PTPRG: variants seen among roughly 807,000 people sequenced by gnomAD.
PTPRG encodes protein tyrosine phosphatase receptor type G.
PTPRG carries 102 observed loss-of-function variants against 165.3 expected under a neutral mutation model. That is an observed-to-expected ratio of 0.62 (90% CI 0.53 to 0.73). The LOEUF is 0.73. PTPRG is among the 30% of genes least tolerant of loss of function. The pLI, the probability that PTPRG is intolerant of heterozygous loss-of-function variation, is 0.00. For missense variants in PTPRG, 1,866 were observed against 1,861.4 expected (o/e 1.00, Z -0.05); for synonymous variants, 675 against 669.5 (o/e 1.01, Z -0.13).
intron 2 of PTPRG, among the ~76,000 whole-genome samples, chr3:61,952,035 T>C (rs369177747): frequency 8.1e-5 from 12 of 147,666 alleles, no homozygotes; most frequent in Admixed American, 2.8e-4. Context: ...GGAGAATCAC[T>C]TGAACCAGGG....
chr3:62,160,839 T>A (rs1250135131), intron 7 of PTPRG, among the ~76,000 whole-genome samples: 16 of 150,944 alleles, frequency 1.1e-4, no homozygotes, highest in Non-Finnish European at 5.9e-5. Context: ...TGACTGCATC[T>A]ACTTTGTTTA....
chr3:61,637,446 G>T (rs757481689), intron 1 of PTPRG, among the ~76,000 whole-genome samples: 9 of 152,174 alleles, frequency 5.9e-5, no homozygotes, highest in Non-Finnish European at 1.2e-4. Context: ...ACCATCATGT[G>T]CTGGGCATGT....
At chr3:62,209,159 A>C (rs887059512) in intron 12 of PTPRG, among the ~76,000 whole-genome samples, 6 of 152,226 alleles carry the variant, frequency 3.9e-5, no homozygotes, top group African/African-American at 1.4e-4. Flanking sequence ...GTTCTCAACC[A>C]GAGGGAATTC....
chr3:61,681,054 T>TAAAAAAAAAAAAAAAAAAAA (rs61198100), intron 1 of PTPRG, among the ~76,000 whole-genome samples: 1 of 66,104 alleles, frequency 1.5e-5, no homozygotes, highest in African/African-American at 5.4e-5. Flanking sequence ...CTTTATGTTC[T>TAAAAAAAAAAAAAAAAAAAA]AAAAAAAAAA....
chr3:61,913,861 T>TTC (rs1205048334), intron 2 of PTPRG, among the ~76,000 whole-genome samples: 1 of 152,228 alleles, frequency 6.6e-6, no homozygotes, highest in African/African-American at 2.4e-5. Context: ...GTCTGATGCT[T>TTC]TCTTCTCACC....
At chr3:61,583,969 G>A (rs763931893) in intron 1 of PTPRG, among the ~76,000 whole-genome samples, 6 of 152,200 alleles carry the variant, frequency 3.9e-5, no homozygotes, top group Non-Finnish European at 8.8e-5. Context: ...AACTAGATGT[G>A]TTGAGAAGGA....
intron 8 of PTPRG, among the ~76,000 whole-genome samples, chr3:62,174,316 T>G (rs17066236): frequency 0.078 from 11,842 of 152,294 alleles, 767 homozygotes; most frequent in East Asian, 0.35. Flanking sequence ...ATAATTTGAT[T>G]TGATGGCTTA....
At chr3:62,095,541 A>C (rs1331108602) in intron 5 of PTPRG, among the ~76,000 whole-genome samples, 1 of 152,328 alleles carries the variant, frequency 6.6e-6, no homozygotes, top group East Asian at 1.9e-4. Flanking sequence ...CTTGTAGCCA[A>C]CTGTATGCCA....
At chr3:62,167,864 A>G (rs1705054832) in intron 7 of PTPRG, 107 bp from the exon 8 acceptor site, 2 of 1,161,126 alleles carry the variant, frequency 1.7e-6, no homozygotes, top group South Asian at 2.8e-5. Context: ...CTACCGTTTC[A>G]TGCTCTTATC....
chr3:61,606,288 G>A (rs192756915), intron 1 of PTPRG, among the ~76,000 whole-genome samples: 38 of 152,252 alleles, frequency 2.5e-4, no homozygotes, highest in Admixed American at 3.9e-4. Flanking sequence ...TGCCTGCGAC[G>A]TGGCTGTCTC....
At chr3:62,183,173 C>T (rs921760865) in intron 8 of PTPRG, among the ~76,000 whole-genome samples, 3 of 152,136 alleles carry the variant, frequency 2.0e-5, no homozygotes, top group Non-Finnish European at 4.4e-5. Flanking sequence ...GCCAGCAGCC[C>T]CACAGAATTC....
chr3:61,827,337 T>C (rs2036143172), intron 2 of PTPRG, among the ~76,000 whole-genome samples: 1 of 152,232 alleles, frequency 6.6e-6, no homozygotes, highest in East Asian at 1.9e-4. Context: ...GTCTTTCATG[T>C]AATCAGATGC....
chr3:62,095,888 C>G (rs991179763), intron 5 of PTPRG, among the ~76,000 whole-genome samples: 3 of 152,078 alleles, frequency 2.0e-5, no homozygotes, highest in African/African-American at 7.2e-5. Context: ...AGCAGGAGAA[C>G]TGAGTGCTCA....
At chr3:62,113,504 A>G (rs1215067302) in intron 5 of PTPRG, among the ~76,000 whole-genome samples, 1 of 152,208 alleles carries the variant, frequency 6.6e-6, no homozygotes, top group Non-Finnish European at 1.5e-5. Context: ...ACACATACCA[A>G]ATTATATATA....
intron 2 of PTPRG, among the ~76,000 whole-genome samples, chr3:61,971,934 T>C (rs1387448585): frequency 6.6e-6 from 1 of 152,278 alleles, no homozygotes; most frequent in Admixed American, 6.5e-5. Flanking sequence ...AGAATACTTA[T>C]TGACCCATGT....
chr3:62,026,879 T>TAAAAAA lies in PTPRG; in HGVS notation c.519+23392_519+23397dup, dbSNP rs200417191. On this transcript the variant is annotated intron_variant, in intron 4 of 29. Coordinates refer to ENST00000474889, the MANE Select transcript of PTPRG (RefSeq NM_002841.4). ...CCAGCCTGGGAAACCGAGTGAGAAT[T>TAAAAAA]AAAAAAAAAAAAAAAGATATAAGAA... Among the ~76,000 whole-genome samples the TAAAAAA allele has an allele frequency of 2.9e-3, 273 of 94,682 alleles. 8 individuals are homozygous for TAAAAAA. The highest frequency in any genetic ancestry group is 0.012 in the African/African-American group (243 of 20,912). The allele number at this position is 94,682 out of a possible 152,430, so 62.1% of individuals were successfully genotyped here.
At chr3:62,208,748 T>C (rs1372939711) in intron 12 of PTPRG, among the ~76,000 whole-genome samples, 1 of 152,202 alleles carries the variant, frequency 6.6e-6, no homozygotes, top group Non-Finnish European at 1.5e-5. Context: ...TCTTTGGAAC[T>C]CTTAAGCACT....
chr3:62,241,180 C>T (rs573614893), intron 14 of PTPRG, among the ~76,000 whole-genome samples: 1 of 152,192 alleles, frequency 6.6e-6, no homozygotes, highest in South Asian at 2.1e-4. Flanking sequence ...AATACTTTAT[C>T]AATTACTCCA....
At chr3:61,880,862 C>T (rs941095333) in intron 2 of PTPRG, among the ~76,000 whole-genome samples, 1 of 151,594 alleles carries the variant, frequency 6.6e-6, no homozygotes, top group African/African-American at 2.4e-5. Flanking sequence ...GAGTTGGAGT[C>T]ATAGAGTATT....
Sources: allele counts gnomAD v4.1 joint callset (sites outside exome capture counted in the v4.1 genomes callset), GRCh38; gene constraint gnomAD v4.1.1; transcripts MANE v1.5; gene names NCBI Gene and HGNC (gene_info 2026-07-23, HGNC 2026-07-21).